The following WLS variants were observed in gnomAD, a reference collection of about 807,000 sequenced individuals.
The protein encoded by WLS is Wnt ligand secretion mediator, also known as protein wntless homolog.
WLS carries 23 observed loss-of-function variants against 62.8 expected under a neutral mutation model. The ratio of observed to expected loss-of-function variants is 0.37; its 90% CI spans 0.26 to 0.52. The LOEUF is 0.52. Among genes scored for constraint, WLS ranks in the 20% least tolerant of loss-of-function variants. The probability of loss-of-function intolerance (pLI) is 0.92; values close to 1 mark genes in which losing one functional copy is unlikely to be tolerated. For missense variants in WLS, 615 were observed against 697.3 expected (o/e 0.88, Z 1.33); for synonymous variants, 246 against 244.1 (o/e 1.01, Z -0.07).
At chr1:68,154,337 A>G (rs572150440) in intron 4 of WLS, among the ~76,000 whole-genome samples, 1 of 152,324 alleles carries the variant, frequency 6.6e-6, no homozygotes, top group South Asian at 2.1e-4. Flanking sequence ...TAAGCTTTTC[A>G]TTAGAAAGTT....
rs61106749 is a variant in WLS, at chr1:68,136,547, A to G, written c.1516+1233T>C. On this transcript the variant is annotated intron_variant, in intron 11 of 11. Coordinates refer to ENST00000262348, the MANE Select transcript of WLS (RefSeq NM_024911.7). ...CCGCTTTGTAAAGACTGACAGTACA[A>G]ATTAATGTACTAAAGGCATTAACAT... 2.7e-3 allele frequency among the ~76,000 whole-genome samples: 413 copies of G among 152,352 alleles called. 2 individuals are homozygous for G. Among genetic ancestry groups the G allele is most frequent in the African/African-American group, 9.4e-3 (390 of 41,568 alleles).
At chr1:68,132,728 GTC>G (rs1289946840) in intron 11 of WLS, among the ~76,000 whole-genome samples, 1 of 152,136 alleles carries the variant, frequency 6.6e-6, no homozygotes, top group Non-Finnish European at 1.5e-5. Context: ...GGAATTCTGT[GTC>G]TCACTTCTTT....
Position 68,232,330 on chromosome 1 carries a change from G to A in WLS, c.-31C>T. 1 of 1,611,288 alleles carries A rather than the reference G, an allele frequency of 6.2e-7. No individual in the cohort carries two copies. Among genetic ancestry groups the A allele is most frequent in the Non-Finnish European group, 8.5e-7 (1 of 1,178,788 alleles). On this transcript the variant is annotated 5_prime_UTR_variant, in exon 1 of 12. Coordinates refer to ENST00000262348, the MANE Select transcript of WLS (RefSeq NM_024911.7). The stretch of plus-strand genomic sequence containing the variant: ...CGCCCCCCCTTTTTCTTTTCTCCTT[G>A]AAATAAATGTTTTAGGGTGAGCTTT...
In WLS at chr1:68,194,173, C is replaced by A. The variant is rs553607184; in HGVS notation, c.161G>T (p.Arg54Leu). The A allele has an allele frequency of 2.5e-6, 4 of 1,614,058 alleles. No individual in the cohort carries two copies. Among genetic ancestry groups the A allele is most frequent in the South Asian group, 2.2e-5 (2 of 91,078 alleles). The change falls in exon 2 of 12, where the codon CGT (arginine) becomes CTT (leucine). Residue 54 changes from arginine (R) to leucine (L), a missense_variant. Coordinates refer to ENST00000262348, the MANE Select transcript of WLS (RefSeq NM_024911.7). ...CCATTTTGTCTTGTGATGGTTCTTACGGGCATCCACACATTTCACCGACAT... is the reference window on the plus strand; with the variant it reads ...CCATTTTGTCTTGTGATGGTTCTTAAGGGCATCCACACATTTCACCGACAT... ...SYMSVKCVDA[R>L]KNHHKTKWFV...
At chr1:68,147,721 C>T (rs1159555634) in intron 8 of WLS, among the ~76,000 whole-genome samples, 1 of 152,168 alleles carries the variant, frequency 6.6e-6, no homozygotes, top group African/African-American at 2.4e-5. Context: ...TGTGATTTGC[C>T]AGCACACCAA....
chr1:68,218,445 CCTTTTATG>C (rs1039346075), intron 1 of WLS, among the ~76,000 whole-genome samples: 20 of 152,220 alleles, frequency 1.3e-4, no homozygotes, highest in African/African-American at 4.8e-4. Context: ...CAGGCAAAGA[CCTTTTATG>C]CCAGCCTCCA....
At chr1:68,228,456 C>T (rs947882500) in intron 1 of WLS, among the ~76,000 whole-genome samples, 74 of 152,220 alleles carry the variant, frequency 4.9e-4, no homozygotes, top group African/African-American at 1.6e-3. Context: ...GGTACATGGT[C>T]TCCTTCCCTC....
chr1:68,193,857 C>T lies in WLS; in HGVS notation c.379+98G>A, dbSNP rs1648504659. The T allele has an allele frequency of 2.7e-6, 4 of 1,471,826 alleles. No homozygotes were observed. In the South Asian group the frequency reaches 4.0e-5, roughly 15 times the overall value. The allele number at this position is 1,471,826 out of a possible 1,614,324, so 91.2% of individuals were successfully genotyped here. ...AGTAGTCAATAATTGTTTGCTATTA[C>T]TATTACCATTTTTACTTTTATTAGA... On this transcript the variant is annotated intron_variant, in intron 2 of 11. Coordinates refer to ENST00000262348, the MANE Select transcript of WLS (RefSeq NM_024911.7).
intron 7 of WLS, 88 bp downstream of exon 7, chr1:68,148,475 T>A: frequency 2.2e-6 from 3 of 1,388,834 alleles, no homozygotes; most frequent in Non-Finnish European, 3.0e-6. Flanking sequence ...CCGACCACCA[T>A]TCTCCTTTTC....
Position 68,148,621 on chromosome 1 carries a change from G to A in WLS, c.1012C>T (p.Gln338Ter). 6.2e-7 allele frequency: 1 copy of A among 1,614,090 alleles called. No homozygotes were observed. The highest frequency in any genetic ancestry group is 8.5e-7 in the Non-Finnish European group (1 of 1,180,006). Reference protein sequence around the residue: ...ERNHIAGYWKQVGPIAVGSFC... With the variant: ...ERNHIAGYWK ...GAGCCAACGGCAATGGGTCCGACTT[G>A]CTTCCAATACCCTGCGATGTGGTTC... The change falls in exon 7 of 12, where the codon CAA becomes TAA. Residue 338 changes from glutamine (Q) to a stop codon, truncating the protein, a stop_gained. Transcript: ENST00000262348. LOFTEE classifies it high-confidence loss of function.
chr1:68,226,363 T>C (rs2100669788), intron 1 of WLS, among the ~76,000 whole-genome samples: 1 of 152,254 alleles, frequency 6.6e-6, no homozygotes, highest in South Asian at 2.1e-4. Flanking sequence ...CTCAGTTCCC[T>C]TACATGTAAA....
chr1:68,157,689 A>C (rs2566793), intron 3 of WLS, among the ~76,000 whole-genome samples: 3,732 of 152,208 alleles, frequency 0.025, 150 homozygotes, highest in African/African-American at 0.086. Context: ...AAAAGCAGAG[A>C]CTTGATGATT....
chr1:68,155,056 T>C (rs1323063315), intron 4 of WLS, 43 bp downstream of exon 4: 1 of 1,573,436 alleles, frequency 6.4e-7, no homozygotes, highest in Non-Finnish European at 8.7e-7. Context: ...TGAGATGGAG[T>C]TCCCCTCCAA....
intron 5 of WLS, among the ~76,000 whole-genome samples, chr1:68,152,035 T>C (rs1332821696): frequency 6.6e-6 from 1 of 152,010 alleles, no homozygotes; most frequent in Admixed American, 6.6e-5. Context: ...CCTGGTGAGG[T>C]TGATGAGAAG....
intron 1 of WLS, among the ~76,000 whole-genome samples, chr1:68,228,695 T>C (rs1430858170): frequency 6.6e-6 from 1 of 151,788 alleles, no homozygotes; most frequent in East Asian, 1.9e-4. Flanking sequence ...GTATCAGATG[T>C]ATGGTTTCAT....
intron 1 of WLS, chr1:68,231,781 T>TAAAGTCG: frequency 2.1e-6 from 1 of 470,828 alleles, no homozygotes; most frequent in South Asian, 1.5e-5. Context: ...TTGTTCCTAA[T>TAAAGTCG]AAAGTCGATT....
At chr1:68,113,055 GA>G (rs1423573065) in intron 11 of WLS, among the ~76,000 whole-genome samples, 1 of 152,138 alleles carries the variant, frequency 6.6e-6, no homozygotes, top group Admixed American at 6.5e-5. Flanking sequence ...TCATTCTGGG[GA>G]CGCTGGTCAG....
downstream of WLS, among the ~76,000 whole-genome samples, chr1:68,121,793 G>A (rs759921210): frequency 2.0e-5 from 3 of 152,048 alleles, no homozygotes; most frequent in Non-Finnish European, 2.9e-5. Context: ...AGAGAGATGG[G>A]GATTAGTCAA....
chr1:68,196,183 T>TG (rs1319148932), intron 1 of WLS, among the ~76,000 whole-genome samples: 1 of 151,608 alleles, frequency 6.6e-6, no homozygotes, highest in East Asian at 1.9e-4. Flanking sequence ...TAAATTAATG[T>TG]GGACAGAATT....
Sources: gnomAD v4.1 joint callset for allele counts (sites outside exome capture counted in the v4.1 genomes callset) on GRCh38, gnomAD v4.1.1 for gene constraint, MANE v1.5 for transcripts, NCBI Gene and HGNC (gene_info 2026-07-23, HGNC 2026-07-21) for gene names.